Variants in CLCN4 observed in about 807,000 individuals in gnomAD.
The protein encoded by CLCN4 is H(+)/Cl(-) exchange transporter 4.
In CLCN4, 1 loss-of-function variant was observed where a neutral mutation model predicts 41.7. That is an observed-to-expected ratio of 0.02 (90% CI 0.01 to 0.11). The LOEUF (loss-of-function observed/expected upper bound fraction) is 0.11. Among genes scored for constraint, CLCN4 ranks in the 10% least tolerant of loss-of-function variants. The pLI, the probability that CLCN4 is intolerant of heterozygous loss-of-function variation, is 1.00. For missense variants in CLCN4, 287 were observed against 661.0 expected (o/e 0.43, Z 6.20); for synonymous variants, 277 against 285.8 (o/e 0.97, Z 0.31).
In CLCN4 at chrX:10,187,719, CT is replaced by C. The variant is rs759155636; in HGVS notation, c.244+109del. 1.5e-4 allele frequency: 91 copies of C among 604,997 alleles called. 1 individual carries two copies. The East Asian group carries it at 2.2e-3, about 14-fold the overall frequency. 49.9% of individuals were successfully genotyped at this position (604,997 alleles called of 1,213,427 possible). ...GGAATATAGCGCGTGTCGCTTGTCG[CT>C]TTTACCCCTGTGGGAGGGATTTATT... On this transcript the variant is annotated intron_variant, in intron 4 of 12. Transcript: ENST00000380833.
intron 3 of CLCN4, 128 bp downstream of exon 3, chrX:10,185,304 C>T: frequency 1.5e-6 from 1 of 653,480 alleles, no homozygotes; most frequent in Non-Finnish European, 2.2e-6. Flanking sequence ...AGAAAAGAGC[C>T]AGTGGGAGGA....
chrX:10,190,471 CTG>C (rs1288205348), intron 4 of CLCN4, among the ~76,000 whole-genome samples: 2 of 111,101 alleles, frequency 1.8e-5, no homozygotes, highest in Admixed American at 9.5e-5. Flanking sequence ...AAACAAAGAA[CTG>C]TGGATAGTTC....
chrX:10,205,165 C>A (rs1193864984), intron 6 of CLCN4, among the ~76,000 whole-genome samples: 2 of 111,267 alleles, frequency 1.8e-5, no homozygotes, highest in African/African-American at 6.5e-5. Context: ...ATGGGAATTT[C>A]ATCTCCAGCT....
rs943420621 is a variant in CLCN4, at chrX:10,233,732, C to A, written c.*148C>A. ...GAAAGGCGGGGAAGAAGGATGAAAC[C>A]TTTAAAAACAAAAACAAAAACATCA... On this transcript the variant is annotated 3_prime_UTR_variant, in exon 13 of 13. Transcript: ENST00000380833. The A allele has an allele frequency of 6.3e-6, 3 of 473,401 alleles. No individual in the cohort carries two copies. The highest frequency in any genetic ancestry group is 6.8e-5 in the South Asian group (2 of 29,228). The allele number at this position is 473,401 out of a possible 1,213,427, so 39.0% of individuals were successfully genotyped here.
At chrX:10,171,264 T>A (rs1486624546) in intron 2 of CLCN4, among the ~76,000 whole-genome samples, 1 of 112,337 alleles carries the variant, frequency 8.9e-6, no homozygotes, top group Non-Finnish European at 1.9e-5. Flanking sequence ...TTATGGATTG[T>A]GTTTTTGATG....
Position 10,206,767 on chromosome X carries a change from T to C in CLCN4, c.834T>C (p.Ser278=), listed in dbSNP as rs1206996603. Residue 278 remains serine, a synonymous_variant, in exon 8 of 13, where the codon AGT becomes AGC. Coordinates refer to ENST00000380833, the MANE Select transcript of CLCN4 (RefSeq NM_001830.4). The stretch of plus-strand genomic sequence containing the variant: ...CACCAATTGGAGGCGTGCTTTTCAG[T>C]CTAGAAGAGGTGAGAATGGGCAGCT... ...FGAPIGGVLF[S]LEEVSYYFPL... 1 of 1,193,039 alleles carries C rather than the reference T, an allele frequency of 8.4e-7. No homozygotes were observed. The highest frequency in any genetic ancestry group is 3.0e-5 in the East Asian group (1 of 33,671).
chrX:10,183,616 G>T (rs1406860887), intron 2 of CLCN4, among the ~76,000 whole-genome samples: 1 of 111,781 alleles, frequency 8.9e-6, no homozygotes, highest in Non-Finnish European at 1.9e-5. Flanking sequence ...CTGCTAACTG[G>T]TGGTGAGCCT....
intron 2 of CLCN4, among the ~76,000 whole-genome samples, chrX:10,161,075 G>C (rs915621819): frequency 1.9e-5 from 2 of 107,882 alleles, no homozygotes; most frequent in Non-Finnish European, 3.8e-5. Context: ...CCAGGCTTTG[G>C]ACTTTGATGT....
chrX:10,170,302 C>T (rs181673941), intron 2 of CLCN4, among the ~76,000 whole-genome samples: 41 of 111,558 alleles, frequency 3.7e-4, no homozygotes, highest in African/African-American at 1.1e-3. Context: ...TATGCAGGTC[C>T]GGATAGTAAA....
intron 10 of CLCN4, 33 bp from the exon 11 acceptor site, chrX:10,213,648 A>G (rs773177598): frequency 1.7e-6 from 2 of 1,171,733 alleles, no homozygotes; most frequent in Admixed American, 2.3e-5. Context: ...CCCGGCTTGC[A>G]CTTTGGAATC....
At chrX:10,221,442 C>T in intron 12 of CLCN4, among the ~76,000 whole-genome samples, 1 of 111,425 alleles carries the variant, frequency 9.0e-6, no homozygotes, top group Non-Finnish European at 1.9e-5. Flanking sequence ...TGGAGGATCA[C>T]TTGAGCCCAG....
chrX:10,208,040 CT>C lies in CLCN4; in HGVS notation c.844-4del, dbSNP rs745538438. The C allele has an allele frequency of 8.3e-7, 1 of 1,198,752 alleles. No homozygotes were observed. Among genetic ancestry groups the C allele is most frequent in the Non-Finnish European group, 1.1e-6 (1 of 886,690 alleles). ...AGTCTTTAATTTTCCACTTTTTCATCTCAGGTCAGTTACTACTTTCCCCTGA... is the reference window on the plus strand; with the variant it reads ...AGTCTTTAATTTTCCACTTTTTCATCCAGGTCAGTTACTACTTTCCCCTGA... On this transcript the variant is annotated splice_polypyrimidine_tract_variant and splice_region_variant and intron_variant, in intron 8 of 12. Coordinates refer to ENST00000380833, the MANE Select transcript of CLCN4 (RefSeq NM_001830.4).
intron 2 of CLCN4, among the ~76,000 whole-genome samples, chrX:10,164,942 C>T (rs187589825): frequency 0.015 from 1,717 of 112,446 alleles, 12 homozygotes; most frequent in Non-Finnish European, 0.025. Context: ...TTGCTGTCCT[C>T]GGGCCCAGCA....
chrX:10,187,196 C>A (rs1193241132), intron 3 of CLCN4, among the ~76,000 whole-genome samples: 1 of 112,364 alleles, frequency 8.9e-6, no homozygotes, highest in Non-Finnish European at 1.9e-5. Context: ...GACACCGAAC[C>A]AATGTCCCCC....
In CLCN4 at chrX:10,236,886, G is replaced by T. The variant is rs1925267320; in HGVS notation, c.*3302G>T. On this transcript the variant is annotated 3_prime_UTR_variant, in exon 13 of 13. Transcript: ENST00000380833. ...TGTTTCTTGCTCTCACTGAGGAAATGTGTTGTACAAAAGCACCAAATAAGG... is the reference window on the plus strand; with the variant it reads ...TGTTTCTTGCTCTCACTGAGGAAATTTGTTGTACAAAAGCACCAAATAAGG... 1.8e-5 allele frequency: 2 copies of T among 111,733 alleles called. No homozygotes were observed. Among genetic ancestry groups the T allele is most frequent in the South Asian group, 7.6e-4 (2 of 2,641 alleles). The allele number at this position is 111,733 out of a possible 1,213,427, so 9.2% of individuals were successfully genotyped here. A position where few individuals can be genotyped will look rare whatever the true frequency, so the allele number is the denominator to read the frequency against.
intron 2 of CLCN4, among the ~76,000 whole-genome samples, chrX:10,183,361 T>C (rs951258426): frequency 8.9e-6 from 1 of 111,907 alleles, no homozygotes; most frequent in Non-Finnish European, 1.9e-5. Flanking sequence ...ACTTTGCCCA[T>C]AGTGACTCTT....
intron 4 of CLCN4, among the ~76,000 whole-genome samples, chrX:10,193,072 T>C (rs986912206): frequency 3.6e-5 from 4 of 112,137 alleles, no homozygotes; most frequent in African/African-American, 1.3e-4. Flanking sequence ...TAGACTTGTG[T>C]TCTTTGACAA....
At chrX:10,177,185 G>A (rs1923556126) in intron 2 of CLCN4, among the ~76,000 whole-genome samples, 1 of 112,618 alleles carries the variant, frequency 8.9e-6, no homozygotes. Context: ...CAGTGTCCGC[G>A]AATAAAGTTT....
chrX:10,174,288 A>G (rs930612742), intron 2 of CLCN4, among the ~76,000 whole-genome samples: 1 of 111,739 alleles, frequency 8.9e-6, no homozygotes, highest in Non-Finnish European at 1.9e-5. Flanking sequence ...TGGTCGGGGC[A>G]CTGTCATTGG....
Sources: gnomAD v4.1 joint callset for allele counts (sites outside exome capture counted in the v4.1 genomes callset) on GRCh38, gnomAD v4.1.1 for gene constraint, MANE v1.5 for transcripts, NCBI Gene and HGNC (gene_info 2026-07-23, HGNC 2026-07-21) for gene names.